Variants in CCDC74A observed in about 807,000 individuals in gnomAD.
CCDC74A encodes coiled-coil domain containing 74A.
CCDC74A carries 38 observed loss-of-function variants against 37.6 expected under a neutral mutation model. The observed-to-expected ratio is 1.01, with a 90% confidence interval of 0.78 to 1.33. The LOEUF is 1.33. CCDC74A is among the 40% of genes most tolerant of loss of function. The probability of loss-of-function intolerance (pLI) is 0.00; values close to 1 mark genes in which losing one functional copy is unlikely to be tolerated. For missense variants in CCDC74A, 340 were observed against 403.4 expected, an observed-to-expected ratio of 0.84 and a Z score of 1.35; for synonymous variants, 134 against 165.2, an observed-to-expected ratio of 0.81 and a Z score of 1.45.
chr2:131,528,329 C>T, intron 1 of CCDC74A, 109 bp downstream of exon 1: 1 of 1,547,902 alleles, frequency 6.5e-7, no homozygotes, highest in Non-Finnish European at 8.7e-7. Context: ...CGCCTGGGCT[C>T]AGGGGGAACA....
intron 2 of CCDC74A, chr2:131,530,523 C>T: frequency 6.3e-7 from 1 of 1,576,018 alleles, no homozygotes; most frequent in Non-Finnish European, 8.6e-7. Context: ...GGGAAGAGGC[C>T]ATGCTTTCCC....
chr2:131,528,215 A>C lies in CCDC74A; in HGVS notation c.245A>C (p.Asn82Thr). 1 of 1,612,294 alleles carries C rather than the reference A, an allele frequency of 6.2e-7. No individual in the cohort carries two copies. ...HEEIEHLKRE[N>T]KDLHYKLIMN... ...GAGATCGAGCATCTGAAGCGGGAAAACAAGGGTGAGCCGGCGCGGGGCCCT... is the reference window on the plus strand; with the variant it reads ...GAGATCGAGCATCTGAAGCGGGAAACCAAGGGTGAGCCGGCGCGGGGCCCT... The change falls in exon 1 of 8, where the codon AAC (asparagine) becomes ACC (threonine). Residue 82 changes from asparagine to threonine, a missense_variant. Asn to Thr is a moderately conservative substitution (Grantham distance 65). Transcript: ENST00000409856.
Position 131,533,560 on chromosome 2 carries a change from T to A in CCDC74A, c.*162T>A, listed in dbSNP as rs542078033. 3.0e-6 allele frequency: 3 copies of A among 998,342 alleles called. No individual in the cohort carries two copies. In the Admixed American group the frequency reaches 8.7e-5, roughly 29 times the overall value. The allele number at this position is 998,342 out of a possible 1,614,324, so 61.8% of individuals were successfully genotyped here. A position where few individuals can be genotyped will look rare whatever the true frequency, so the allele number is the denominator to read the frequency against. On this transcript the variant is annotated 3_prime_UTR_variant, in exon 8 of 8. Transcript: ENST00000409856. ...CTTGATCTCCAAACTGACAAACTGTTTATTTTCTAGCTGTTATTTTGCTAT... is the reference window on the plus strand; with the variant it reads ...CTTGATCTCCAAACTGACAAACTGTATATTTTCTAGCTGTTATTTTGCTAT...
At chr2:131,532,030 C>T (rs1204405059) in intron 4 of CCDC74A, among the ~76,000 whole-genome samples, 4 of 150,444 alleles carry the variant, frequency 2.7e-5, no homozygotes, top group Non-Finnish European at 6.0e-5. Flanking sequence ...TGCAGAGTAC[C>T]TGTGCTGACC....
At chr2:131,528,927 C>T (rs962852544) in intron 1 of CCDC74A, among the ~76,000 whole-genome samples, 2 of 144,802 alleles carry the variant, frequency 1.4e-5, no homozygotes. Context: ...CCCCGCCCCC[C>T]ACCCCGTCCC....
At chr2:131,523,742 C>A (rs1477391975), upstream of CCDC74A, among the ~76,000 whole-genome samples, 1 of 152,204 alleles carries the variant, frequency 6.6e-6, no homozygotes, top group Non-Finnish European at 1.5e-5. Context: ...CAGGGAGAAT[C>A]AACTTCCCAG....
Position 131,530,786 on chromosome 2 carries a change from C to T in CCDC74A, c.305C>T (p.Ser102Phe), listed in dbSNP as rs768991525. Residue 102 changes from serine (S) to phenylalanine (F), a missense_variant, in exon 3 of 8, where the codon TCC (serine) becomes TTC (phenylalanine). Physicochemically the swap from Ser to Phe is radical, Grantham distance 155. Around this residue, in one of 3 missense-constraint regions of CCDC74A, gnomAD observed 154 missense variants for 153.9 expected, o/e 1.00. Transcript: ENST00000409856. ...NQTSQKKDSL[S>F]MSSFQSVKSI... ...GTGCGCTCTCCTGCAGACAGCCTCT[C>T]CATGTCAAGCTTCCAGTCTGTCAAG... 1.8e-5 allele frequency: 28 copies of T among 1,596,934 alleles called. 1 individual carries two copies. In the South Asian group the frequency reaches 2.7e-4, roughly 15 times the overall value.
intron 2 of CCDC74A, chr2:131,530,074 A>G: frequency 1.3e-6 from 2 of 1,550,410 alleles, no homozygotes; most frequent in Non-Finnish European, 1.7e-6. Context: ...TATGGCTCTG[A>G]GTCCTCACAT....
At chr2:131,530,002 C>T in intron 2 of CCDC74A, 1 of 1,548,496 alleles carries the variant, frequency 6.5e-7, no homozygotes, top group Non-Finnish European at 8.7e-7. Flanking sequence ...CTGGGACAGC[C>T]CCTGCCCTGC....
At chr2:131,528,264 A>G in intron 1 of CCDC74A, 44 bp downstream of exon 1, 1 of 1,602,254 alleles carries the variant, frequency 6.2e-7, no homozygotes, top group Non-Finnish European at 8.5e-7. Flanking sequence ...CTCCCCAGGC[A>G]CACTCAACAC....
rs750847168 is a variant in CCDC74A at position 131,530,105 on chromosome 2, G to C, written c.295+414G>C. On this transcript the variant is annotated intron_variant, in intron 2 of 7. Coordinates refer to ENST00000409856, the MANE Select transcript of CCDC74A (RefSeq NM_001258306.3). Reference sequence around the variant, plus strand: ...CACATGCTGGGGGCCCAGGGGCTCTGGACACACTCCATCCAGGGATCCCTT... The same window carrying C: ...CACATGCTGGGGGCCCAGGGGCTCTCGACACACTCCATCCAGGGATCCCTT... 37 of 1,550,192 alleles carry C rather than the reference G, an allele frequency of 2.4e-5. No homozygotes were observed. In the Middle Eastern group the frequency reaches 6.7e-4, roughly 28 times the overall value.
rs1681752756 is a variant in CCDC74A, at chr2:131,533,433, C to T, written c.*35C>T. Reference sequence around the variant, plus strand: ...ATCTGGTCAGTGCCAGGCCCACCAACCTGCAGCTGGAGACTGGCTCTCTAT... The same window carrying T: ...ATCTGGTCAGTGCCAGGCCCACCAATCTGCAGCTGGAGACTGGCTCTCTAT... On this transcript the variant is annotated 3_prime_UTR_variant, in exon 8 of 8. Coordinates refer to ENST00000409856, the MANE Select transcript of CCDC74A (RefSeq NM_001258306.3). 1 of 1,609,684 alleles carries T rather than the reference C, an allele frequency of 6.2e-7. No individual in the cohort carries two copies. The highest frequency in any genetic ancestry group is 2.2e-5 in the East Asian group (1 of 44,788).
rs199573701 is a variant in CCDC74A, at chr2:131,532,983, C to T, written c.753-30C>T. 1.7e-5 allele frequency: 27 copies of T among 1,613,844 alleles called. No individual in the cohort carries two copies. The African/African-American group carries it at 2.9e-4, about 18-fold the overall frequency. On this transcript the variant is annotated intron_variant, in intron 6 of 7. Transcript: ENST00000409856. ...TGCCCCATCCCTGGGGTCCTATCCA[C>T]AGCTCACTGCTGACTCTTCCTTCAC...
At chr2:131,526,115 C>T (rs1305511600), upstream of CCDC74A, among the ~76,000 whole-genome samples, 2 of 150,216 alleles carry the variant, frequency 1.3e-5, no homozygotes, top group Non-Finnish European at 1.5e-5. Context: ...TGTGCTTGGC[C>T]AACTTCTCGC....
chr2:131,527,429 G>T (rs1245842854), upstream of CCDC74A, among the ~76,000 whole-genome samples: 9 of 151,870 alleles, frequency 5.9e-5, no homozygotes, highest in Non-Finnish European at 1.3e-4. Context: ...CCATGCCCGG[G>T]TTTTTTTTCT....
At chr2:131,527,098 T>A (rs1461842915), upstream of CCDC74A, among the ~76,000 whole-genome samples, 4 of 151,244 alleles carry the variant, frequency 2.6e-5, no homozygotes, top group African/African-American at 7.3e-5. Flanking sequence ...TTATTATTTT[T>A]AAATTTATTT....
chr2:131,529,547 G>C, intron 1 of CCDC74A, 100 bp from the exon 2 acceptor site: 1 of 1,523,528 alleles, frequency 6.6e-7, no homozygotes, highest in Non-Finnish European at 9.1e-7. Flanking sequence ...GGGGGGGCAG[G>C]ACTTTTGGGC....
chr2:131,529,603 C>A, intron 1 of CCDC74A, 44 bp from the exon 2 acceptor site: 1 of 1,613,310 alleles, frequency 6.2e-7, no homozygotes, highest in Non-Finnish European at 8.5e-7. Flanking sequence ...CTCAGAATAG[C>A]TGTGGTTTCA....
chr2:131,525,711 C>CTA (rs1483131577), upstream of CCDC74A, among the ~76,000 whole-genome samples: 5 of 63,446 alleles, frequency 7.9e-5, no homozygotes, highest in African/African-American at 3.8e-4. Flanking sequence ...CTATGCCTGC[C>CTA]TTTTTTTTTT....
Sources: allele counts gnomAD v4.1 joint callset (sites outside exome capture counted in the v4.1 genomes callset), GRCh38; gene constraint gnomAD v4.1.1; regional missense constraint gnomAD v4.1.1; transcripts MANE v1.5; gene names NCBI Gene and HGNC (gene_info 2026-07-23, HGNC 2026-07-21).